The following GPAM variants were observed in gnomAD, a reference collection of about 807,000 sequenced individuals.
GPAM encodes glycerol-3-phosphate acyltransferase, mitochondrial, also known as glycerol-3-phosphate acyltransferase 1, mitochondrial.
A neutral mutation model predicts 105.0 loss-of-function variants in GPAM; 56 were observed. That is an observed-to-expected ratio of 0.53 (90% CI 0.43 to 0.67). The LOEUF (loss-of-function observed/expected upper bound fraction) is 0.67. GPAM is among the 30% of genes least tolerant of loss of function. The pLI, the probability that GPAM is intolerant of heterozygous loss-of-function variation, is 0.00. For synonymous variants in GPAM, 368 were observed against 354.4 expected (o/e 1.04, Z -0.43); for missense variants, 855 against 989.8 (o/e 0.86, Z 1.83).
At position 112,151,106 on chromosome 10, in the gene GPAM, T is replaced by C; in HGVS notation, c.*2444A>G. The C allele has an allele frequency of 1.0e-6, 1 of 981,894 alleles. No individual in the cohort carries two copies. Among genetic ancestry groups the C allele is most frequent in the Non-Finnish European group, 1.2e-6 (1 of 826,980 alleles). The allele number at this position is 981,894 out of a possible 1,614,324, so 60.8% of individuals were successfully genotyped here. ...AAACAGACTGCAGTTTCATGTTGTT[T>C]AATATTGTTTTTTTTTTTTAACTTG... On this transcript the variant is annotated 3_prime_UTR_variant, in exon 22 of 22. Transcript: ENST00000348367.
chr10:112,159,860 T>G (rs1847089668), intron 17 of GPAM, 51 bp downstream of exon 17: 1 of 1,592,788 alleles, frequency 6.3e-7, no homozygotes. Context: ...TACGTTTTCA[T>G]GAAAACGCTC....
At chr10:112,156,544 T>C (rs2803608) in intron 19 of GPAM, 129,985 of 181,576 alleles carry the variant, frequency 0.72, 46,762 homozygotes, top group South Asian at 0.82. Context: ...TGATGGCCAC[T>C]GTGACGGCGG....
At chr10:112,164,179 T>C (rs972685152) in intron 13 of GPAM, among the ~76,000 whole-genome samples, 2 of 152,238 alleles carry the variant, frequency 1.3e-5, no homozygotes, top group African/African-American at 4.8e-5. Flanking sequence ...TGAATTCAAT[T>C]TGAATTCCGA....
At chr10:112,174,080 G>T (rs1168911285) in intron 6 of GPAM, among the ~76,000 whole-genome samples, 1 of 148,436 alleles carries the variant, frequency 6.7e-6, no homozygotes, top group Non-Finnish European at 1.5e-5. Context: ...AGCAGACTAA[G>T]AATTTAATTC....
chr10:112,208,514 TAA>T (rs1196035128), intron 1 of GPAM, among the ~76,000 whole-genome samples: 1 of 152,174 alleles, frequency 6.6e-6, no homozygotes, highest in African/African-American at 2.4e-5. Context: ...AATAGCCAGC[TAA>T]GTGTCTTGGG....
At position 112,151,194 on chromosome 10, in the gene GPAM, T is replaced by C. The variant is rs1346634524; in HGVS notation, c.*2356A>G. On this transcript the variant is annotated 3_prime_UTR_variant, in exon 22 of 22. Coordinates refer to ENST00000348367, the MANE Select transcript of GPAM (RefSeq NM_001244949.2). Reference sequence around the variant, plus strand: ...GTTACAGAAATGCGATAGAGTAAACTGTAATAAATTATTTACAAGCACCTA... The same window carrying C: ...GTTACAGAAATGCGATAGAGTAAACCGTAATAAATTATTTACAAGCACCTA... The C allele has an allele frequency of 2.0e-6, 2 of 984,082 alleles. No individual in the cohort carries two copies. Among genetic ancestry groups the C allele is most frequent in the African/African-American group, 3.5e-5 (2 of 57,316 alleles). The allele number at this position is 984,082 out of a possible 1,614,324, so 61.0% of individuals were successfully genotyped here.
chr10:112,164,296 A>G (rs7897449), intron 13 of GPAM, among the ~76,000 whole-genome samples: 83,860 of 151,998 alleles, frequency 0.55, 23,378 homozygotes, highest in South Asian at 0.63. Flanking sequence ...AAATCAATTA[A>G]GAACTCCTAT....
chr10:112,189,144 A>C (rs1343543614), intron 1 of GPAM, among the ~76,000 whole-genome samples: 1 of 152,218 alleles, frequency 6.6e-6, no homozygotes, highest in Non-Finnish European at 1.5e-5. Flanking sequence ...AAATTCCCTT[A>C]TATAAAATAT....
Position 112,157,323 on chromosome 10 carries a change from G to T in GPAM, c.2047C>A (p.Pro683Thr), listed in dbSNP as rs1376616903. 1 of 1,613,166 alleles carries T rather than the reference G, an allele frequency of 6.2e-7. No homozygotes were observed. Among genetic ancestry groups the T allele is most frequent in the Non-Finnish European group, 8.5e-7 (1 of 1,179,138 alleles). Residue 683 changes from proline (P) to threonine (T), a missense_variant, in exon 19 of 22, where the codon CCT (proline) becomes ACT (threonine). Transcript: ENST00000348367. Reference protein sequence around the residue: ...EQQWDKKLPEPLSWRSDEEDE... With the variant: ...EQQWDKKLPETLSWRSDEEDE... ...TCTTCATCACTTCTCCAAGACAAAG[G>T]TTCTGGAAGCTTCTTGTCCCACTGC...
chr10:112,185,486 T>TC, upstream of GPAM, among the ~76,000 whole-genome samples: 1 of 58,646 alleles, frequency 1.7e-5, no homozygotes, highest in South Asian at 9.1e-4. Flanking sequence ...TGAAAAATCT[T>TC]TAAAAAAAAA....
intron 16 of GPAM, 96 bp downstream of exon 16, chr10:112,160,508 G>A: frequency 7.7e-7 from 1 of 1,305,572 alleles, no homozygotes; most frequent in East Asian, 2.3e-5. Context: ...CCTCAAGCAA[G>A]GGGCTATCAC....
upstream of GPAM, chr10:112,183,804 G>C (rs545531350): frequency 6.6e-6 from 1 of 152,452 alleles, no homozygotes; most frequent in East Asian, 1.9e-4. Flanking sequence ...TTGACGCGGG[G>C]CCGCCGGCTA....
At chr10:112,193,120 A>G (rs979860563) in intron 1 of GPAM, among the ~76,000 whole-genome samples, 4 of 152,190 alleles carry the variant, frequency 2.6e-5, no homozygotes, top group Non-Finnish European at 5.9e-5. Flanking sequence ...TTTAATACAG[A>G]AAACTACTTA....
chr10:112,217,453 G>A (rs12411732), upstream of GPAM, among the ~76,000 whole-genome samples: 31,841 of 141,658 alleles, frequency 0.22, 3,946 homozygotes, highest in East Asian at 0.35. Context: ...TTTTTTTTTT[G>A]TGATATCATG....
Position 112,192,336 on chromosome 10 carries a change from G to A in GPAM, n.211-9445C>T, listed in dbSNP as rs142622856. 1.5e-4 allele frequency among the ~76,000 whole-genome samples: 23 copies of A among 152,350 alleles called. 1 individual carries two copies. ...TTCATGGTCTAATGGCATATGGTAT[G>A]TAGGGATGGAGACAGTAGGAAGAAA... On this transcript the variant is annotated intron_variant and non_coding_transcript_variant, in intron 1 of 3. Coordinates refer to the GPAM transcript ENST00000480130.
intron 6 of GPAM, among the ~76,000 whole-genome samples, chr10:112,174,884 A>G (rs1589593153): frequency 6.6e-6 from 1 of 152,204 alleles, no homozygotes; most frequent in Non-Finnish European, 1.5e-5. Context: ...AGGCCTTAAC[A>G]AACATAACGA....
intron 1 of GPAM, among the ~76,000 whole-genome samples, chr10:112,199,594 T>C (rs1342349966): frequency 1.3e-5 from 2 of 152,204 alleles, no homozygotes; most frequent in African/African-American, 4.8e-5. Flanking sequence ...ATTAGCTCGA[T>C]TTAATCATTC....
At chr10:112,202,227 C>T (rs1233363952) in intron 1 of GPAM, among the ~76,000 whole-genome samples, 1 of 152,206 alleles carries the variant, frequency 6.6e-6, no homozygotes, top group Non-Finnish European at 1.5e-5. Context: ...TAAAAGCAGC[C>T]TTAGACAGTA....
intron 19 of GPAM, 151 bp downstream of exon 19, chr10:112,157,098 C>G: frequency 8.0e-6 from 6 of 753,682 alleles, no homozygotes; most frequent in Non-Finnish European, 2.4e-6. Flanking sequence ...TCAACTCAAA[C>G]AGTTTGAGTG....
Sources: gnomAD v4.1 joint callset for allele counts (sites outside exome capture counted in the v4.1 genomes callset) on GRCh38, gnomAD v4.1.1 for gene constraint, MANE v1.5 for transcripts, NCBI Gene and HGNC (gene_info 2026-07-23, HGNC 2026-07-21) for gene names.